Variants in SCAPER observed in about 807,000 individuals in gnomAD.
SCAPER encodes the protein S phase cyclin A-associated protein in the endoplasmic reticulum.
A neutral mutation model predicts 182.2 loss-of-function variants in SCAPER; 98 were observed. The observed-to-expected ratio is 0.54, with a 90% CI of 0.46 to 0.64. SCAPER has a LOEUF of 0.64. Ranked by LOEUF, SCAPER falls within the 30% of genes least tolerant of loss-of-function variation. The pLI is 0.00. For missense variants in SCAPER, 1,432 were observed against 1,690.0 expected, an observed-to-expected ratio of 0.85 and a Z score of 2.68; for synonymous variants, 605 against 564.6, an observed-to-expected ratio of 1.07 and a Z score of -1.01.
At chr15:76,734,906 C>G (rs373473506) in intron 15 of SCAPER, among the ~76,000 whole-genome samples, 1 of 151,936 alleles carries the variant, frequency 6.6e-6, no homozygotes, top group East Asian at 1.9e-4. Context: ...ATATGATAAA[C>G]AAGTATGCTC....
At chr15:76,584,239 TAGAG>T (rs1433192387) in intron 22 of SCAPER, among the ~76,000 whole-genome samples, 1 of 150,306 alleles carries the variant, frequency 6.7e-6, no homozygotes, top group Non-Finnish European at 1.5e-5. Context: ...TTCATGGAGA[TAGAG>T]AGTAGATCGA....
intron 26 of SCAPER, among the ~76,000 whole-genome samples, chr15:76,412,360 T>TGTAG (rs1237403497): frequency 2.6e-5 from 4 of 152,114 alleles, no homozygotes; most frequent in Non-Finnish European, 4.4e-5. Flanking sequence ...ATGACATCAA[T>TGTAG]GTAGGTTCAC....
chr15:76,568,276 G>A (rs984710664), intron 23 of SCAPER, among the ~76,000 whole-genome samples: 30 of 148,480 alleles, frequency 2.0e-4, no homozygotes, highest in African/African-American at 5.3e-4. Context: ...CTTTTTCTCC[G>A]TCTTGTCTCC....
At chr15:76,477,484 T>A (rs959434158) in intron 24 of SCAPER, among the ~76,000 whole-genome samples, 1 of 152,210 alleles carries the variant, frequency 6.6e-6, no homozygotes, top group African/African-American at 2.4e-5. Context: ...TGTACCACTC[T>A]GCCTTCTTCC....
intron 8 of SCAPER, 42 bp downstream of exon 8, chr15:76,795,238 C>T: frequency 6.3e-7 from 1 of 1,576,048 alleles, no homozygotes; most frequent in Non-Finnish European, 8.7e-7. Flanking sequence ...TCTATATATC[C>T]ACCTGTTTAC....
chr15:76,649,356 A>C (rs2054821139), intron 21 of SCAPER, among the ~76,000 whole-genome samples: 3 of 152,042 alleles, frequency 2.0e-5, no homozygotes. Flanking sequence ...CTTGAGCCTG[A>C]GAAGTTGAGG....
chr15:76,702,781 A>G, intron 19 of SCAPER, 69 bp downstream of exon 19: 1 of 1,534,092 alleles, frequency 6.5e-7, no homozygotes, highest in Non-Finnish European at 8.8e-7. Context: ...GACTGCAAGA[A>G]TATATTTCCA....
chr15:76,627,716 C>T (rs142555784), intron 21 of SCAPER, among the ~76,000 whole-genome samples: 449 of 152,174 alleles, frequency 3.0e-3, no homozygotes, highest in South Asian at 4.4e-3. Flanking sequence ...GGGTTGATTC[C>T]ATGTCTTTTT....
intron 4 of SCAPER, among the ~76,000 whole-genome samples, 185 bp from the exon 5 acceptor site, chr15:76,842,116 C>A (rs1000080272): frequency 6.6e-6 from 1 of 152,138 alleles, no homozygotes; most frequent in African/African-American, 2.4e-5. Context: ...CAACTATTTA[C>A]ATAACATTTA....
chr15:76,681,142 T>G (rs1440020605), intron 20 of SCAPER, among the ~76,000 whole-genome samples: 1 of 152,142 alleles, frequency 6.6e-6, no homozygotes, highest in East Asian at 1.9e-4. Flanking sequence ...CACTTAAAAA[T>G]CAGGGTAAGA....
chr15:76,700,727 A>T (rs770417220), intron 20 of SCAPER, among the ~76,000 whole-genome samples: 3 of 152,142 alleles, frequency 2.0e-5, no homozygotes. Context: ...TCAACTACAG[A>T]CATGTTCCTG....
At chr15:76,827,269 T>C (rs950473039) in intron 5 of SCAPER, among the ~76,000 whole-genome samples, 1 of 152,224 alleles carries the variant, frequency 6.6e-6, no homozygotes, top group Non-Finnish European at 1.5e-5. Context: ...CCTGTTGCAT[T>C]ATGCCAGTTC....
chr15:76,875,034 A>G (rs1019821645), intron 2 of SCAPER, among the ~76,000 whole-genome samples: 3 of 151,074 alleles, frequency 2.0e-5, no homozygotes, highest in Non-Finnish European at 4.4e-5. Flanking sequence ...TTTGAAACAG[A>G]CAAGTCCGTT....
chr15:76,644,756 T>A (rs1414627867), intron 21 of SCAPER, among the ~76,000 whole-genome samples: 1 of 152,136 alleles, frequency 6.6e-6, no homozygotes, highest in Non-Finnish European at 1.5e-5. Flanking sequence ...TACTTTATTT[T>A]TTTATACAAA....
intron 16 of SCAPER, among the ~76,000 whole-genome samples, chr15:76,731,272 G>A (rs2060906152): frequency 6.6e-6 from 1 of 152,158 alleles, no homozygotes; most frequent in Admixed American, 6.6e-5. Flanking sequence ...CCAGGGAGGT[G>A]TTTAAGGCAG....
chr15:76,835,523 T>C (rs912798339), intron 5 of SCAPER, among the ~76,000 whole-genome samples: 3 of 152,060 alleles, frequency 2.0e-5, no homozygotes, highest in African/African-American at 7.2e-5. Context: ...CTCAACAAAC[T>C]AGGTATAAAG....
chr15:76,366,154 C>T lies in SCAPER; in HGVS notation c.3855+10008G>A, dbSNP rs76465428. Among the ~76,000 whole-genome samples, 326 of 151,820 alleles carry T rather than the reference C, an allele frequency of 2.1e-3. 1 individual carries two copies. The highest frequency in any genetic ancestry group is 7.6e-3 in the African/African-American group (313 of 41,344). ...AAAGATTATGTCCATTATAGACTAA[C>T]GGGATATGTGCATGGAGGCACAGGG... is the stretch of plus-strand genomic sequence containing the variant. On this transcript the variant is annotated intron_variant, in intron 29 of 31. Transcript: ENST00000563290.
At chr15:76,578,551 CA>C (rs2048028345) in intron 22 of SCAPER, among the ~76,000 whole-genome samples, 1 of 152,192 alleles carries the variant, frequency 6.6e-6, no homozygotes, top group African/African-American at 2.4e-5. Context: ...GGGAAGAGAA[CA>C]AGAATTTCTG....
intron 25 of SCAPER, among the ~76,000 whole-genome samples, chr15:76,440,183 G>A (rs2142650023): frequency 6.6e-6 from 1 of 152,296 alleles, no homozygotes; most frequent in East Asian, 1.9e-4. Context: ...TGAGGATACA[G>A]AAATCATCAG....
Sources: allele counts gnomAD v4.1 joint callset (sites outside exome capture counted in the v4.1 genomes callset), GRCh38; gene constraint gnomAD v4.1.1; transcripts MANE v1.5; gene names NCBI Gene and HGNC (gene_info 2026-07-23, HGNC 2026-07-21).